PRDM6: variants seen among roughly 807,000 people sequenced by gnomAD.
The protein encoded by PRDM6 is putative histone-lysine N-methyltransferase PRDM6.
A neutral mutation model predicts 60.8 loss-of-function variants in PRDM6; 25 were observed. The ratio of observed to expected loss-of-function variants is 0.41; its 90% CI spans 0.30 to 0.57. The LOEUF (loss-of-function observed/expected upper bound fraction) is 0.57. Ranked by LOEUF, PRDM6 falls within the 20% of genes least tolerant of loss-of-function variation. The pLI is 0.27. For missense variants in PRDM6, 839 were observed against 821.3 expected, an observed-to-expected ratio of 1.02 and a Z score of -0.26; for synonymous variants, 407 against 357.4, an observed-to-expected ratio of 1.14 and a Z score of -1.57.
chr5:123,098,479 G>A (rs949348130), intron 2 of PRDM6, among the ~76,000 whole-genome samples: 1 of 152,238 alleles, frequency 6.6e-6, no homozygotes, highest in African/African-American at 2.4e-5. Context: ...CCCGGAGGGC[G>A]CTGCGATCCG....
At chr5:123,158,252 C>G (rs114353540) in intron 4 of PRDM6, among the ~76,000 whole-genome samples, 1 of 152,132 alleles carries the variant, frequency 6.6e-6, no homozygotes, top group African/African-American at 2.4e-5. Context: ...ACAAAGTAGA[C>G]TCAATTTTTC....
chr5:123,102,963 A>G (rs1764135992), intron 3 of PRDM6, among the ~76,000 whole-genome samples: 1 of 152,048 alleles, frequency 6.6e-6, no homozygotes, highest in African/African-American at 2.4e-5. Flanking sequence ...CTTTTATTTA[A>G]TCATTAGAAG....
At chr5:123,145,665 A>G (rs142653864) in intron 3 of PRDM6, among the ~76,000 whole-genome samples, 157 of 152,290 alleles carry the variant, frequency 1.0e-3, no homozygotes, top group African/African-American at 3.5e-3. Context: ...TAAACTGGGA[A>G]CTGAGTGCAT....
At chr5:123,168,453 A>G (rs770532061) in intron 5 of PRDM6, among the ~76,000 whole-genome samples, 10 of 152,316 alleles carry the variant, frequency 6.6e-5, no homozygotes, top group Admixed American at 2.0e-4. Flanking sequence ...ATATGTTCTT[A>G]AGTGAATGTG....
chr5:123,181,899 G>A lies in PRDM6; in HGVS notation c.1673+1576G>A, dbSNP rs555451619. 5.3e-5 allele frequency among the ~76,000 whole-genome samples: 8 copies of A among 152,320 alleles called. No individual in the cohort carries two copies. In the South Asian group the frequency reaches 1.4e-3, roughly 28 times the overall value. On this transcript the variant is annotated intron_variant, in intron 7 of 7. Transcript: ENST00000407847. ...GAGAAGTTCATAAAAGATAGTCATT[G>A]TCCCTCTTCTCCTCAATAATTAGTT...
chr5:123,137,645 G>A (rs577628591), intron 3 of PRDM6, among the ~76,000 whole-genome samples: 2 of 152,218 alleles, frequency 1.3e-5, no homozygotes, highest in African/African-American at 2.4e-5. Flanking sequence ...GTCAGGGGGT[G>A]GGGGGCTAAG....
chr5:123,160,324 A>G (rs13184477), intron 5 of PRDM6, among the ~76,000 whole-genome samples: 1,863 of 152,332 alleles, frequency 0.012, 18 homozygotes, highest in Middle Eastern at 0.054. Flanking sequence ...TTTCTGCTCT[A>G]TCAGTTATTT....
rs1029881468 is a variant in PRDM6 at position 123,170,644 on chromosome 5, T to C, written c.1154-122T>C. ...AAATCAGATGGTTTGTTATGTTAAT[T>C]CTGAGTCCAGAAACACAAATTCTTA... On this transcript the variant is annotated intron_variant, in intron 5 of 7. Transcript: ENST00000407847. 60 of 743,102 alleles carry C rather than the reference T, an allele frequency of 8.1e-5. No homozygotes were observed. The Admixed American group carries it at 9.7e-4, about 12-fold the overall frequency. The allele number at this position is 743,102 out of a possible 1,614,324, so 46.0% of individuals were successfully genotyped here.
intron 5 of PRDM6, among the ~76,000 whole-genome samples, chr5:123,160,226 A>G (rs560921525): frequency 5.3e-5 from 8 of 152,334 alleles, no homozygotes; most frequent in African/African-American, 1.4e-4. Flanking sequence ...ATTTTCTCCT[A>G]TCTTTATTAC....
chr5:123,166,129 G>A (rs1765746717), intron 5 of PRDM6, among the ~76,000 whole-genome samples: 1 of 152,168 alleles, frequency 6.6e-6, no homozygotes, highest in South Asian at 2.1e-4. Flanking sequence ...CACAGGCATT[G>A]GCAATTGTGC....
In PRDM6 at chr5:123,098,594, TG is replaced by T. The variant is rs528379736; in HGVS notation, c.593-1055del. 2.6e-3 allele frequency among the ~76,000 whole-genome samples: 396 copies of T among 152,038 alleles called. 2 individuals are homozygous for T. The highest frequency in any genetic ancestry group is 4.3e-3 in the Non-Finnish European group (294 of 67,962). On this transcript the variant is annotated intron_variant, in intron 2 of 7. Coordinates refer to ENST00000407847, the MANE Select transcript of PRDM6 (RefSeq NM_001136239.4). ...GCCCACTACCGCCCGGCCCGGAGGG[TG>T]GGGGTCCCTCTCGCGCAGGCTGCTT...
At chr5:123,142,788 G>A (rs941072655) in intron 3 of PRDM6, among the ~76,000 whole-genome samples, 50 of 143,872 alleles carry the variant, frequency 3.5e-4, no homozygotes, top group Middle Eastern at 3.6e-3. Flanking sequence ...CTTTTCTAGC[G>A]ATCCTGAAAA....
At position 123,191,281 on chromosome 5, in the gene PRDM6, G is replaced by A. The variant is rs1408645809; in HGVS notation, c.*4080G>A. 6.6e-6 allele frequency: 1 copy of A among 152,160 alleles called. No homozygotes were observed. The highest frequency in any genetic ancestry group is 2.4e-5 in the African/African-American group (1 of 41,430). 9.4% of individuals were successfully genotyped at this position (152,160 alleles called of 1,614,324 possible). A position where few individuals can be genotyped will look rare whatever the true frequency, so the allele number is the denominator to read the frequency against. On this transcript the variant is annotated 3_prime_UTR_variant, in exon 8 of 8. Transcript: ENST00000407847. Reference sequence around the variant, plus strand: ...CACTAATTTAAAATTTAAAATGCAAGTATCTATTGAGTTGTTTAAAATGGG... The same window carrying A: ...CACTAATTTAAAATTTAAAATGCAAATATCTATTGAGTTGTTTAAAATGGG...
intron 3 of PRDM6, among the ~76,000 whole-genome samples, chr5:123,120,905 C>T (rs1369323571): frequency 6.6e-6 from 1 of 152,200 alleles, no homozygotes; most frequent in South Asian, 2.1e-4. Context: ...TGGGAATTAT[C>T]TCTCTTACAG....
intron 3 of PRDM6, among the ~76,000 whole-genome samples, chr5:123,117,747 A>G (rs144450267): frequency 6.8e-4 from 97 of 143,646 alleles, no homozygotes; most frequent in African/African-American, 2.4e-3. Context: ...TCACGTTGGG[A>G]TGAATGTGAA....
intron 3 of PRDM6, among the ~76,000 whole-genome samples, chr5:123,155,366 C>A (rs2126872328): frequency 6.7e-6 from 1 of 149,362 alleles, no homozygotes; most frequent in South Asian, 2.2e-4. Context: ...TTTATTTCAC[C>A]CAAATCAGAG....
chr5:123,090,574 C>T lies in PRDM6; in HGVS notation c.560C>T (p.Pro187Leu), dbSNP rs1343452963. Residue 187 changes from proline to leucine, a missense_variant, in exon 2 of 8, where the codon CCG (proline) becomes CTG (leucine). This residue lies in a region of PRDM6 where 730 missense variants were observed against 648.8 expected (regional missense o/e 1.13). Transcript: ENST00000407847. ...GGCCAGCAGCGCATGGAGATCATCCCGCTCAACCAGCACACCAGCGACCCC... is the reference window on the plus strand; with the variant it reads ...GGCCAGCAGCGCATGGAGATCATCCTGCTCAACCAGCACACCAGCGACCCC... ...LYGQQRMEII[P>L]LNQHTSDPNN... 1.3e-6 allele frequency: 2 copies of T among 1,525,676 alleles called. No individual in the cohort carries two copies. The highest frequency in any genetic ancestry group is 1.2e-5 in the South Asian group (1 of 83,550). The allele number at this position is 1,525,676 out of a possible 1,614,324, so 94.5% of individuals were successfully genotyped here. A position where few individuals can be genotyped will look rare whatever the true frequency, so the allele number is the denominator to read the frequency against.
At chr5:123,155,831 A>T (rs201014642) in intron 3 of PRDM6, 53 bp from the exon 4 acceptor site, 1 of 1,534,094 alleles carries the variant, frequency 6.5e-7, no homozygotes, top group South Asian at 1.2e-5. Context: ...AAGTAGGGAA[A>T]ATGATTGCTG....
At chr5:123,090,635 C>T (rs745552269) in intron 2 of PRDM6, 29 bp downstream of exon 2, 3 of 1,399,688 alleles carry the variant, frequency 2.1e-6, no homozygotes, top group Non-Finnish European at 2.8e-6. Flanking sequence ...CGCGCTCTCT[C>T]CCGGGGCGCC....
Sources: allele counts gnomAD v4.1 joint callset (sites outside exome capture counted in the v4.1 genomes callset), GRCh38; gene constraint gnomAD v4.1.1; regional missense constraint gnomAD v4.1.1; transcripts MANE v1.5; gene names NCBI Gene and HGNC (gene_info 2026-07-23, HGNC 2026-07-21).